The following PPP2CB variants were observed in gnomAD, a reference collection of about 807,000 sequenced individuals.
PPP2CB encodes protein phosphatase 2 catalytic subunit beta.
PPP2CB carries 18 observed loss-of-function variants against 39.1 expected under a neutral mutation model. The observed-to-expected ratio is 0.46, with a 90% confidence interval of 0.32 to 0.68. The LOEUF (loss-of-function observed/expected upper bound fraction) is 0.68. Among genes scored for constraint, PPP2CB ranks in the 30% least tolerant of loss-of-function variants. The pLI is 0.04. For missense variants in PPP2CB, 226 were observed against 396.9 expected, an observed-to-expected ratio of 0.57 and a Z score of 3.66; for synonymous variants, 129 against 133.8, an observed-to-expected ratio of 0.96 and a Z score of 0.25.
Position 30,786,136 on chromosome 8 carries a change from A to G in PPP2CB, c.*99T>C, listed in dbSNP as rs927478995. The G allele has an allele frequency of 5.6e-6, 6 of 1,077,894 alleles. No individual in the cohort carries two copies. In the African/African-American group the frequency reaches 9.6e-5, roughly 17 times the overall value. 66.8% of individuals were successfully genotyped at this position (1,077,894 alleles called of 1,614,324 possible). A position where few individuals can be genotyped will look rare whatever the true frequency, so the allele number is the denominator to read the frequency against. On this transcript the variant is annotated 3_prime_UTR_variant, in exon 7 of 7. Coordinates refer to ENST00000221138, the MANE Select transcript of PPP2CB (RefSeq NM_001009552.2). ...GCCAAGACAGATCCCAATTTGTTAC[A>G]GAAACACATAGATTACTGTTGCTTT...
intron 3 of PPP2CB, among the ~76,000 whole-genome samples, chr8:30,796,984 C>A (rs546544927): frequency 6.6e-6 from 1 of 152,158 alleles, no homozygotes; most frequent in South Asian, 2.1e-4. Context: ...AGCTAGACCA[C>A]AAGCACGCGC....
At chr8:30,796,196 C>T (rs1806522669) in intron 3 of PPP2CB, among the ~76,000 whole-genome samples, 1 of 152,090 alleles carries the variant, frequency 6.6e-6, no homozygotes, top group African/African-American at 2.4e-5. Context: ...AAAGTATCGT[C>T]CTTTCAAATT....
chr8:30,794,960 T>G (rs1806495222), intron 3 of PPP2CB, among the ~76,000 whole-genome samples: 1 of 152,236 alleles, frequency 6.6e-6, no homozygotes, highest in Admixed American at 6.5e-5. Flanking sequence ...TTCTTTTTAT[T>G]GCTTAGTGCA....
chr8:30,798,026 G>C (rs917961014), intron 2 of PPP2CB, among the ~76,000 whole-genome samples: 1 of 152,078 alleles, frequency 6.6e-6, no homozygotes, highest in Non-Finnish European at 1.5e-5. Flanking sequence ...TAATAAACTT[G>C]TATCTGATAC....
At chr8:30,796,666 G>C (rs986295453) in intron 3 of PPP2CB, among the ~76,000 whole-genome samples, 3 of 152,144 alleles carry the variant, frequency 2.0e-5, no homozygotes, top group Non-Finnish European at 4.4e-5. Flanking sequence ...TGGGATTACA[G>C]GTAGGAGCCA....
intron 6 of PPP2CB, among the ~76,000 whole-genome samples, chr8:30,786,849 G>A (rs960296163): frequency 6.7e-6 from 1 of 148,320 alleles, no homozygotes; most frequent in African/African-American, 2.5e-5. Flanking sequence ...TTTTTTTTTA[G>A]TAGAGACGGG....
At chr8:30,803,531 A>C (rs889641697) in intron 1 of PPP2CB, among the ~76,000 whole-genome samples, 1 of 151,638 alleles carries the variant, frequency 6.6e-6, no homozygotes, top group Non-Finnish European at 1.5e-5. Flanking sequence ...GGCGACAGTA[A>C]GATCCTGCCT....
At chr8:30,806,953 A>C (rs1806736292) in intron 1 of PPP2CB, among the ~76,000 whole-genome samples, 1 of 152,256 alleles carries the variant, frequency 6.6e-6, no homozygotes, top group African/African-American at 2.4e-5. Flanking sequence ...CGTCATATAT[A>C]AAGTAGAGAA....
Position 30,812,507 on chromosome 8 carries a change from C to A in PPP2CB, c.-86G>T. 1.1e-6 allele frequency: 1 copy of A among 931,234 alleles called. No homozygotes were observed. Among genetic ancestry groups the A allele is most frequent in the Non-Finnish European group, 1.4e-6 (1 of 695,276 alleles). The allele number at this position is 931,234 out of a possible 1,614,324, so 57.7% of individuals were successfully genotyped here. On this transcript the variant is annotated 5_prime_UTR_variant, in exon 1 of 7. Transcript: ENST00000221138. ...CACCCGCCCCCGGCCCCGGCCCGGGCGCCGCTCCCCTCTCCCTCCGCCGCC... is the reference window on the plus strand; with the variant it reads ...CACCCGCCCCCGGCCCCGGCCCGGGAGCCGCTCCCCTCTCCCTCCGCCGCC...
At chr8:30,795,733 T>C (rs528252364) in intron 3 of PPP2CB, among the ~76,000 whole-genome samples, 6 of 152,356 alleles carry the variant, frequency 3.9e-5, no homozygotes, top group Non-Finnish European at 7.3e-5. Context: ...TGTTTACTTA[T>C]ATTGGACGAA....
At chr8:30,806,492 C>T (rs1407329906) in intron 1 of PPP2CB, among the ~76,000 whole-genome samples, 1 of 152,176 alleles carries the variant, frequency 6.6e-6, no homozygotes, top group Middle Eastern at 3.2e-3. Flanking sequence ...CATTTCATTA[C>T]ATTTACTTGA....
At chr8:30,790,674 G>C (rs1045245043) in intron 6 of PPP2CB, among the ~76,000 whole-genome samples, 2 of 152,188 alleles carry the variant, frequency 1.3e-5, no homozygotes, top group Admixed American at 6.5e-5. Context: ...TCTGCCCCAG[G>C]AGCTGGGGCA....
At chr8:30,810,023 T>C (rs2128763100) in intron 1 of PPP2CB, 1 of 152,120 alleles carries the variant, frequency 6.6e-6, no homozygotes, top group South Asian at 2.1e-4. Context: ...GTCTGATTTA[T>C]TTAGGAGCCG....
At chr8:30,799,078 G>C (rs773516097) in intron 2 of PPP2CB, among the ~76,000 whole-genome samples, 16 of 152,176 alleles carry the variant, frequency 1.1e-4, no homozygotes, top group Non-Finnish European at 2.1e-4. Context: ...GCAATCAACA[G>C]GAAGTAACAA....
At chr8:30,810,875 C>T (rs909151645) in intron 1 of PPP2CB, among the ~76,000 whole-genome samples, 1 of 152,222 alleles carries the variant, frequency 6.6e-6, no homozygotes, top group African/African-American at 2.4e-5. Flanking sequence ...ATTTCATGAT[C>T]TTAAGAGTAC....
At chr8:30,810,946 C>G (rs1806815525) in intron 1 of PPP2CB, among the ~76,000 whole-genome samples, 1 of 152,178 alleles carries the variant, frequency 6.6e-6, no homozygotes, top group East Asian at 1.9e-4. Flanking sequence ...ATCATGACTT[C>G]TAAACATTAC....
rs1806477243 is a variant in PPP2CB, at chr8:30,793,754, C to G, written c.738+163G>C. The G allele has an allele frequency of 5.9e-6, 4 of 679,996 alleles. 1 individual carries two copies. The South Asian group carries it at 1.6e-4, about 28-fold the overall frequency. The allele number at this position is 679,996 out of a possible 1,614,324, so 42.1% of individuals were successfully genotyped here. ...TTCAAAAATGAGTTATAATTCTGCT[C>G]TGGTCTACTAGTGCTTTCCCTACTT... is the stretch of plus-strand genomic sequence containing the variant. On this transcript the variant is annotated intron_variant, in intron 5 of 6. Coordinates refer to ENST00000221138, the MANE Select transcript of PPP2CB (RefSeq NM_001009552.2).
chr8:30,812,445 C>A lies in PPP2CB; in HGVS notation c.-24G>T, dbSNP rs749246031. 4.7e-6 allele frequency: 7 copies of A among 1,493,488 alleles called. No individual in the cohort carries two copies. The Admixed American group carries it at 7.6e-5, about 16-fold the overall frequency. The allele number at this position is 1,493,488 out of a possible 1,614,324, so 92.5% of individuals were successfully genotyped here. ...ATGGCGGCCCGATCCCGATGCGGAT[C>A]CCGAGCCCCAGCCCGGCCGCCGCCC... On this transcript the variant is annotated 5_prime_UTR_variant, in exon 1 of 7. Transcript: ENST00000221138.
intron 6 of PPP2CB, among the ~76,000 whole-genome samples, chr8:30,789,162 C>T (rs1806390105): frequency 6.6e-6 from 1 of 151,912 alleles, no homozygotes; most frequent in Admixed American, 6.6e-5. Context: ...TCCTGAGTAG[C>T]TGGGATTACA....
Sources: allele counts gnomAD v4.1 joint callset (sites outside exome capture counted in the v4.1 genomes callset), GRCh38; gene constraint gnomAD v4.1.1; transcripts MANE v1.5; gene names NCBI Gene and HGNC (gene_info 2026-07-23, HGNC 2026-07-21).